THSD4: variants seen among roughly 807,000 people sequenced by gnomAD.
THSD4 encodes the protein thrombospondin type-1 domain-containing protein 4.
THSD4 carries 69 observed loss-of-function variants against 119.0 expected under a neutral mutation model. The ratio of observed to expected loss-of-function variants is 0.58; its 90% confidence interval spans 0.48 to 0.71. The LOEUF is 0.71. Ranked by LOEUF, THSD4 falls within the 30% of genes least tolerant of loss-of-function variation. The probability of loss-of-function intolerance (pLI) is 0.00; values close to 1 mark genes in which losing one functional copy is unlikely to be tolerated. For synonymous variants in THSD4, 524 were observed against 540.4 expected (o/e 0.97, Z 0.42); for missense variants, 1,393 against 1,391.1 (o/e 1.00, Z -0.02).
At chr15:71,748,334 A>T (rs2053378914) in intron 13 of THSD4, 87 bp from the exon 14 acceptor site, 2 of 1,525,650 alleles carry the variant, frequency 1.3e-6, no homozygotes, top group African/African-American at 2.7e-5. Flanking sequence ...CATGGGGCTG[A>T]TCACAAAGGC....
At chr15:71,238,807 C>T (rs1283452802) in intron 4 of THSD4, among the ~76,000 whole-genome samples, 2 of 152,080 alleles carry the variant, frequency 1.3e-5, no homozygotes. Context: ...TGGGCATATA[C>T]CTAGGACTGC....
chr15:71,733,968 T>TGTC (rs2053032965), intron 10 of THSD4: 1 of 149,998 alleles, frequency 6.7e-6, no homozygotes, highest in Admixed American at 6.7e-5. Context: ...TTGTTGTTGT[T>TGTC]GTTGTTGTTG....
At chr15:71,258,163 T>C (rs1163370200) in intron 6 of THSD4, among the ~76,000 whole-genome samples, 1 of 152,152 alleles carries the variant, frequency 6.6e-6, no homozygotes, top group East Asian at 1.9e-4. Context: ...TTAGTTTTTA[T>C]AAATTGTTTG....
At chr15:71,449,868 G>C (rs4777390) in intron 7 of THSD4, among the ~76,000 whole-genome samples, 54,819 of 152,040 alleles carry the variant, frequency 0.36, 10,529 homozygotes, top group African/African-American at 0.48. Flanking sequence ...TATCCACCTA[G>C]TTCCTTGGGT....
chr15:71,704,349 G>T (rs1378442784), intron 8 of THSD4, among the ~76,000 whole-genome samples: 1 of 152,170 alleles, frequency 6.6e-6, no homozygotes, highest in Admixed American at 6.5e-5. Context: ...GGGAGGGTCC[G>T]GGTGGGAGGT....
chr15:71,393,057 A>G (rs1194964825), intron 6 of THSD4, among the ~76,000 whole-genome samples: 1 of 152,162 alleles, frequency 6.6e-6, no homozygotes, highest in Admixed American at 6.5e-5. Flanking sequence ...TGGGGAAGTG[A>G]AATGCTTGCA....
chr15:71,215,210 G>A lies in THSD4; in HGVS notation c.275G>A (p.Arg92Gln), dbSNP rs1408278915. 3 of 1,365,018 alleles carry A rather than the reference G, an allele frequency of 2.2e-6. No homozygotes were observed. Among genetic ancestry groups the A allele is most frequent in the Non-Finnish European group, 2.8e-6 (3 of 1,063,920 alleles). 84.6% of individuals were successfully genotyped at this position (1,365,018 alleles called of 1,614,324 possible). The change falls in exon 4 of 18, where the codon CGG (arginine) becomes CAG (glutamine). Residue 92 changes from arginine to glutamine, a missense_variant. Coordinates refer to ENST00000261862, the MANE Select transcript of THSD4 (RefSeq NM_024817.3). ...PRSYRLRGGQ[R>Q]PGAPARAFAD... Reference sequence around the variant, plus strand: ...TCCTACCGCCTGCGCGGCGGCCAGCGGCCTGGCGCCCCTGCGCGCGCCTTC... The same window carrying A: ...TCCTACCGCCTGCGCGGCGGCCAGCAGCCTGGCGCCCCTGCGCGCGCCTTC...
At chr15:71,123,669 G>C (rs1241309217) in intron 1 of THSD4, among the ~76,000 whole-genome samples, 1 of 152,208 alleles carries the variant, frequency 6.6e-6, no homozygotes. Flanking sequence ...ACCCAGACAG[G>C]CATCAGATTC....
At chr15:71,664,173 G>C (rs1031495672) in intron 8 of THSD4, among the ~76,000 whole-genome samples, 3 of 151,930 alleles carry the variant, frequency 2.0e-5, no homozygotes, top group Non-Finnish European at 4.4e-5. Context: ...TAGTAGAGAT[G>C]GGGTTTCACC....
chr15:71,609,177 A>G (rs1376677042), intron 7 of THSD4, among the ~76,000 whole-genome samples: 1 of 152,206 alleles, frequency 6.6e-6, no homozygotes, highest in Non-Finnish European at 1.5e-5. Context: ...TAATGTGAAG[A>G]CAGGGGAAAA....
chr15:71,316,838 C>A (rs1240907079), intron 6 of THSD4, among the ~76,000 whole-genome samples: 1 of 152,130 alleles, frequency 6.6e-6, no homozygotes, highest in Non-Finnish European at 1.5e-5. Context: ...GAGGACTGAG[C>A]CCATGTTGGG....
upstream of THSD4, chr15:71,112,112 G>A (rs144480009): frequency 1.8e-3 from 2,947 of 1,613,360 alleles, 51 homozygotes; most frequent in Non-Finnish European, 2.7e-4. Flanking sequence ...TCTCAGCAGT[G>A]AGCCATTCAT....
intron 7 of THSD4, among the ~76,000 whole-genome samples, chr15:71,621,356 T>C (rs912931558): frequency 3.9e-5 from 6 of 152,234 alleles, no homozygotes; most frequent in Non-Finnish European, 7.3e-5. Flanking sequence ...CATGAGTTGC[T>C]AGGACAGTTG....
At chr15:71,726,421 T>C (rs2052839359) in intron 8 of THSD4, among the ~76,000 whole-genome samples, 1 of 152,220 alleles carries the variant, frequency 6.6e-6, no homozygotes, top group Non-Finnish European at 1.5e-5. Flanking sequence ...ACTGAAAAGT[T>C]GAAGGATACA....
At chr15:71,326,700 A>AAAAAAAATATATATATATATATAT (rs1555464320) in intron 6 of THSD4, among the ~76,000 whole-genome samples, 1 of 6,454 alleles carries the variant, frequency 1.5e-4, no homozygotes, top group African/African-American at 3.4e-4. Context: ...AAAAAAAAAA[A>AAAAAAAATATATATATATATATAT]ATATATATAT....
chr15:71,526,787 A>G (rs1447643072), intron 7 of THSD4, among the ~76,000 whole-genome samples: 3 of 152,220 alleles, frequency 2.0e-5, no homozygotes, highest in African/African-American at 4.8e-5. Context: ...ATGTGTATCT[A>G]AAATTTGTAT....
At chr15:71,479,834 G>GT (rs2047703944) in intron 7 of THSD4, among the ~76,000 whole-genome samples, 1 of 152,152 alleles carries the variant, frequency 6.6e-6, no homozygotes, top group South Asian at 2.1e-4. Flanking sequence ...ACTGCTATGA[G>GT]TTTTTTAATG....
intron 7 of THSD4, among the ~76,000 whole-genome samples, chr15:71,569,442 A>C (rs2049307427): frequency 6.6e-6 from 1 of 152,188 alleles, no homozygotes; most frequent in Non-Finnish European, 1.5e-5. Context: ...TTCAAAAGTT[A>C]TTTATTTATA....
At chr15:71,219,640 ATAG>A (rs1238347921) in intron 4 of THSD4, among the ~76,000 whole-genome samples, 1 of 152,230 alleles carries the variant, frequency 6.6e-6, no homozygotes, top group Non-Finnish European at 1.5e-5. Flanking sequence ...GTCTGATGAG[ATAG>A]TAGTGACAAT....
Sources: gnomAD v4.1 joint callset for allele counts (sites outside exome capture counted in the v4.1 genomes callset) on GRCh38, gnomAD v4.1.1 for gene constraint, MANE v1.5 for transcripts, NCBI Gene and HGNC (gene_info 2026-07-23, HGNC 2026-07-21) for gene names.